The following MGAT5B variants were observed in gnomAD, a reference collection of about 807,000 sequenced individuals.
The protein encoded by MGAT5B is N-acetylglucosaminyl-transferase Vb.
Under a neutral mutation model 95.1 loss-of-function variants are expected in MGAT5B, and 54 were observed. That is an observed-to-expected ratio of 0.57 (90% confidence interval 0.46 to 0.71). The LOEUF (loss-of-function observed/expected upper bound fraction) is 0.71. Among genes scored for constraint, MGAT5B ranks in the 30% least tolerant of loss-of-function variants. The pLI is 0.00. For synonymous variants in MGAT5B, 464 were observed against 451.0 expected, an observed-to-expected ratio of 1.03 and a Z score of -0.36; for missense variants, 935 against 1,088.6, an observed-to-expected ratio of 0.86 and a Z score of 1.99.
chr17:76,893,733 C>T (rs913293874), intron 3 of MGAT5B, among the ~76,000 whole-genome samples: 9 of 152,196 alleles, frequency 5.9e-5, no homozygotes, highest in East Asian at 1.9e-4. Context: ...AGAGCAGTTT[C>T]GGCCTTGCCT....
intron 2 of MGAT5B, among the ~76,000 whole-genome samples, chr17:76,874,714 T>C (rs1024748062): frequency 6.6e-6 from 1 of 152,038 alleles, no homozygotes; most frequent in Non-Finnish European, 1.5e-5. Context: ...GTAACTCACC[T>C]ACCCCATGGC....
intron 16 of MGAT5B, among the ~76,000 whole-genome samples, chr17:76,947,321 G>T (rs1021738655): frequency 6.6e-6 from 1 of 152,212 alleles, no homozygotes; most frequent in South Asian, 2.1e-4. Flanking sequence ...AAGGGAGAGT[G>T]TATTCAGGTG....
chr17:76,880,609 C>T (rs1001864788), intron 2 of MGAT5B, among the ~76,000 whole-genome samples: 5 of 152,182 alleles, frequency 3.3e-5, no homozygotes, highest in Non-Finnish European at 7.3e-5. Flanking sequence ...GGTCTGCAGA[C>T]GGGGCCTGTT....
At chr17:76,922,942 G>C (rs1373532203) in intron 8 of MGAT5B, among the ~76,000 whole-genome samples, 2 of 152,178 alleles carry the variant, frequency 1.3e-5, no homozygotes, top group Non-Finnish European at 2.9e-5. Context: ...GCTGGAGGTG[G>C]GGGGCAAGGC....
rs568279592 is a variant in MGAT5B at position 76,880,517 on chromosome 17, C to T, written c.182-1634C>T. On this transcript the variant is annotated intron_variant, in intron 2 of 17. Coordinates refer to ENST00000569840, the MANE Select transcript of MGAT5B (RefSeq NM_001199172.2). ...CAGAAGCCGCTGGCTGCCCCTGCTCCGCCCACTGCCTCTAGCTCCCTCTCT... is the reference window on the plus strand; with the variant it reads ...CAGAAGCCGCTGGCTGCCCCTGCTCTGCCCACTGCCTCTAGCTCCCTCTCT... 3.5e-3 allele frequency among the ~76,000 whole-genome samples: 528 copies of T among 152,318 alleles called. 5 individuals carry two copies. Among genetic ancestry groups the T allele is most frequent in the African/African-American group, 0.012 (500 of 41,568 alleles).
At chr17:76,934,839 G>A (rs140778580) in intron 12 of MGAT5B, among the ~76,000 whole-genome samples, 1 of 152,314 alleles carries the variant, frequency 6.6e-6, no homozygotes, top group East Asian at 1.9e-4. Context: ...GAAGTCAGAG[G>A]TGGCTGGATG....
chr17:76,893,748 C>T (rs966959980), intron 3 of MGAT5B, among the ~76,000 whole-genome samples: 6 of 152,142 alleles, frequency 3.9e-5, no homozygotes, highest in African/African-American at 7.2e-5. Flanking sequence ...TTGCCTCCTG[C>T]GGGGAGTGTT....
intron 8 of MGAT5B, among the ~76,000 whole-genome samples, chr17:76,909,225 A>G (rs1040191038): frequency 2.0e-5 from 3 of 152,074 alleles, no homozygotes; most frequent in Admixed American, 6.5e-5. Flanking sequence ...CAGCCTCCCA[A>G]AGTGCTGGGA....
In MGAT5B at chr17:76,916,271, C is replaced by T. The variant is rs576077206; in HGVS notation, c.1026-8695C>T. Among the ~76,000 whole-genome samples, 3 of 152,200 alleles carry T rather than the reference C, an allele frequency of 2.0e-5. No homozygotes were observed. Among genetic ancestry groups the T allele is most frequent in the Admixed American group, 6.5e-5 (1 of 15,286 alleles). ...GCCTCCCCTCATGCTCCACGCGCTG[C>T]GCTGGCGTCACAGGGAGTCTGTTTC... On this transcript the variant is annotated intron_variant, in intron 8 of 17. Coordinates refer to ENST00000569840, the MANE Select transcript of MGAT5B (RefSeq NM_001199172.2). The surrounding 1 kb of genome is among the most constrained non-coding windows in gnomAD (Gnocchi z 5.3).
At chr17:76,909,658 A>G (rs1968662911) in intron 8 of MGAT5B, among the ~76,000 whole-genome samples, 2 of 152,126 alleles carry the variant, frequency 1.3e-5, no homozygotes, top group African/African-American at 2.4e-5. Flanking sequence ...CTTCGCTGCA[A>G]CTCAGAGTCT....
At chr17:76,892,663 G>C (rs959359087) in intron 3 of MGAT5B, among the ~76,000 whole-genome samples, 5 of 152,258 alleles carry the variant, frequency 3.3e-5, no homozygotes, top group African/African-American at 9.6e-5. Flanking sequence ...GCGCACGGGC[G>C]GGGCAGAGCC....
rs370237878 is a variant in MGAT5B at position 76,937,974 on chromosome 17, T to G, written c.1429-14T>G. On this transcript the variant is annotated splice_polypyrimidine_tract_variant and intron_variant, in intron 12 of 17. Transcript: ENST00000569840. The stretch of plus-strand genomic sequence containing the variant: ...TTTGCATGTGGTTCCCATCTCCTCC[T>G]CTTCTTTTTCCAGGGGAAGGAGAAG... 1.2e-6 allele frequency: 2 copies of G among 1,611,782 alleles called. No individual in the cohort carries two copies. Among genetic ancestry groups the G allele is most frequent in the African/African-American group, 2.7e-5 (2 of 74,894 alleles).
intron 8 of MGAT5B, among the ~76,000 whole-genome samples, chr17:76,921,650 G>A (rs1198944951): frequency 6.6e-6 from 1 of 152,196 alleles, no homozygotes; most frequent in African/African-American, 2.4e-5. Flanking sequence ...GGGGCGCAGG[G>A]TGTGGTGCAG....
chr17:76,904,569 A>G (rs1968448928), intron 6 of MGAT5B, 147 bp downstream of exon 6: 4 of 908,850 alleles, frequency 4.4e-6, no homozygotes, highest in Admixed American at 6.0e-5. Context: ...TACCGGGCAG[A>G]CGGGAGGCCA....
In MGAT5B at chr17:76,878,088, C is replaced by T. The variant is rs185072326; in HGVS notation, c.182-4063C>T. Among the ~76,000 whole-genome samples the T allele has an allele frequency of 1.4e-4, 21 of 152,104 alleles. No individual in the cohort carries two copies. In the East Asian group the frequency reaches 2.5e-3, roughly 18 times the overall value. Reference sequence around the variant, plus strand: ...GAGTGGTGAAGTGACTCTGGGGAAGCGATGTCAGCTTGCTCTGCTGACAGT... The same window carrying T: ...GAGTGGTGAAGTGACTCTGGGGAAGTGATGTCAGCTTGCTCTGCTGACAGT... On this transcript the variant is annotated intron_variant, in intron 2 of 17. Coordinates refer to ENST00000569840, the MANE Select transcript of MGAT5B (RefSeq NM_001199172.2).
intron 2 of MGAT5B, among the ~76,000 whole-genome samples, chr17:76,873,602 G>A (rs936748570): frequency 2.6e-5 from 4 of 152,206 alleles, no homozygotes; most frequent in South Asian, 2.1e-4. Flanking sequence ...GGGCTCACAC[G>A]TGGACATTAC....
rs892131787 is a variant in MGAT5B, at chr17:76,916,002, G to C, written c.1026-8964G>C. 1.3e-5 allele frequency among the ~76,000 whole-genome samples: 2 copies of C among 152,244 alleles called. No homozygotes were observed. The highest frequency in any genetic ancestry group is 4.1e-4 in the South Asian group (2 of 4,836). ...TAGACTGCGGGTAAGGGGACAGAGAGGGAGCAGGCGCCGGCATGCCGAGTG... is the reference window on the plus strand; with the variant it reads ...TAGACTGCGGGTAAGGGGACAGAGACGGAGCAGGCGCCGGCATGCCGAGTG... On this transcript the variant is annotated intron_variant, in intron 8 of 17. Coordinates refer to ENST00000569840, the MANE Select transcript of MGAT5B (RefSeq NM_001199172.2). The surrounding 1 kb of genome is among the most constrained non-coding windows in gnomAD (Gnocchi z 5.3).
At chr17:76,890,296 T>TAA (rs1302962363) in intron 3 of MGAT5B, among the ~76,000 whole-genome samples, 2 of 152,264 alleles carry the variant, frequency 1.3e-5, no homozygotes, top group Non-Finnish European at 2.9e-5. Context: ...TGGGCAGGTC[T>TAA]AACTGGGACT....
chr17:76,905,275 C>T lies in MGAT5B; in HGVS notation c.797C>T (p.Ala266Val), dbSNP rs553528918. ...KRTKRLTAQW[A>V]LAAQRLAQKL... is the part of the protein sequence containing the mutation. ...ACCAAGAGGCTCACAGCCCAGTGGGCGCTGGCTGCCCAGCGCCTGGCACAG... is the reference window on the plus strand; with the variant it reads ...ACCAAGAGGCTCACAGCCCAGTGGGTGCTGGCTGCCCAGCGCCTGGCACAG... The change falls in exon 7 of 18, where the codon GCG (alanine) becomes GTG (valine). Residue 266 changes from alanine to valine, a missense_variant. Ala to Val is a moderately conservative substitution (Grantham distance 64). Transcript: ENST00000569840. This position sits in a 1 kb window ranked among gnomAD's most constrained non-coding sequence, Gnocchi z 4.2. 1.1e-5 allele frequency: 17 copies of T among 1,611,310 alleles called. No homozygotes were observed. The highest frequency in any genetic ancestry group is 6.7e-5 in the East Asian group (3 of 44,796).
Sources: gnomAD v4.1 joint callset for allele counts (sites outside exome capture counted in the v4.1 genomes callset) on GRCh38, gnomAD v4.1.1 for gene constraint, Gnocchi (gnomAD v3.1) non-coding constraint, MANE v1.5 for transcripts, NCBI Gene and HGNC (gene_info 2026-07-23, HGNC 2026-07-21) for gene names.